Variants in ZNF385D observed in about 807,000 individuals in gnomAD.
The protein encoded by ZNF385D is zinc finger protein 659.
ZNF385D carries 15 observed loss-of-function variants against 35.8 expected under a neutral mutation model. The observed-to-expected ratio is 0.42, with a 90% CI of 0.28 to 0.64. ZNF385D has a LOEUF of 0.64. Among genes scored for constraint, ZNF385D ranks in the 30% least tolerant of loss-of-function variants. The pLI is 0.23. For missense variants in ZNF385D, 474 were observed against 494.6 expected (o/e 0.96, Z 0.39); for synonymous variants, 212 against 186.8 (o/e 1.13, Z -1.10).
At chr3:21,920,289 G>T (rs166316) in intron 3 of ZNF385D, among the ~76,000 whole-genome samples, 8,829 of 152,124 alleles carry the variant, frequency 0.058, 383 homozygotes, top group African/African-American at 0.11. Context: ...CCTGACAGAC[G>T]CAGTGCTTCA....
rs374018357 is a variant in ZNF385D, at chr3:22,277,624, C to G, written c.106+94826G>C. On this transcript the variant is annotated intron_variant, in intron 2 of 5. Coordinates refer to the ZNF385D transcript ENST00000494108. ...TAGTAAAGAAAGCAGGATTCTCAGT[C>G]TCATGAAACTCATAATATTATGGAA... Among the ~76,000 whole-genome samples, 3 of 151,206 alleles carry G rather than the reference C, an allele frequency of 2.0e-5. No homozygotes were observed. The East Asian group carries it at 5.8e-4, about 29-fold the overall frequency.
chr3:22,016,201 T>C (rs1696873957), intron 3 of ZNF385D, among the ~76,000 whole-genome samples: 1 of 151,192 alleles, frequency 6.6e-6, no homozygotes, highest in African/African-American at 2.5e-5. Context: ...CATTTCACAA[T>C]GTCTGGAGAT....
intron 3 of ZNF385D, among the ~76,000 whole-genome samples, chr3:21,818,087 G>C (rs890212662): frequency 2.0e-5 from 3 of 151,028 alleles, no homozygotes; most frequent in Admixed American, 6.6e-5. Flanking sequence ...GACAGAAAAC[G>C]AAACACCGCA....
chr3:22,082,942 G>C (rs1238418678), intron 3 of ZNF385D, among the ~76,000 whole-genome samples: 1 of 152,170 alleles, frequency 6.6e-6, no homozygotes, highest in African/African-American at 2.4e-5. Context: ...ACAGGGTCTG[G>C]GGTGGACCTC....
chr3:22,215,585 C>A (rs1156289895), intron 2 of ZNF385D, among the ~76,000 whole-genome samples: 1 of 152,004 alleles, frequency 6.6e-6, no homozygotes, highest in Non-Finnish European at 1.5e-5. Context: ...TGCTCTCAAA[C>A]CCTGTCTCCT....
intron 5 of ZNF385D, among the ~76,000 whole-genome samples, chr3:21,432,365 T>C (rs1283029247): frequency 6.6e-6 from 1 of 152,162 alleles, no homozygotes; most frequent in African/African-American, 2.4e-5. Flanking sequence ...GATAACTATC[T>C]TTTCTGCATA....
At chr3:22,209,909 G>A (rs552768918) in intron 2 of ZNF385D, among the ~76,000 whole-genome samples, 2 of 151,770 alleles carry the variant, frequency 1.3e-5, no homozygotes, top group African/African-American at 4.8e-5. Flanking sequence ...CTGGAAGACC[G>A]ATTGTTTACC....
intron 2 of ZNF385D, among the ~76,000 whole-genome samples, chr3:22,242,126 G>A (rs530411257): frequency 2.0e-5 from 3 of 150,774 alleles, no homozygotes; most frequent in Non-Finnish European, 4.4e-5. Flanking sequence ...CCTAATGCTA[G>A]ATGACGAGTT....
At chr3:21,739,933 T>G (rs1575568413) in intron 1 of ZNF385D, among the ~76,000 whole-genome samples, 1 of 152,344 alleles carries the variant, frequency 6.6e-6, no homozygotes, top group East Asian at 1.9e-4. Context: ...TTATTATTCC[T>G]GCTTCACAGA....
chr3:21,903,148 T>A (rs1381335429), intron 3 of ZNF385D, among the ~76,000 whole-genome samples: 1 of 152,190 alleles, frequency 6.6e-6, no homozygotes, highest in Non-Finnish European at 1.5e-5. Context: ...GAAGATCAAC[T>A]AAATCTCCCG....
At chr3:21,722,864 C>G (rs6783774) in intron 1 of ZNF385D, among the ~76,000 whole-genome samples, 2,938 of 152,316 alleles carry the variant, frequency 0.019, 87 homozygotes, top group African/African-American at 0.066. Flanking sequence ...TTTCTGTCTT[C>G]TCCTCCATTT....
intron 3 of ZNF385D, among the ~76,000 whole-genome samples, chr3:22,026,454 C>G (rs1277786271): frequency 6.6e-6 from 1 of 152,158 alleles, no homozygotes; most frequent in Non-Finnish European, 1.5e-5. Context: ...GACGCTGGCT[C>G]TGAGCTGTTG....
intron 2 of ZNF385D, among the ~76,000 whole-genome samples, chr3:22,284,357 CTTTT>C (rs957242592): frequency 1.3e-5 from 2 of 151,498 alleles, no homozygotes; most frequent in African/African-American, 4.8e-5. Flanking sequence ...CCCGGCTATT[CTTTT>C]TTTTATTTTT....
At chr3:21,902,779 A>T (rs933285211) in intron 3 of ZNF385D, among the ~76,000 whole-genome samples, 1 of 152,208 alleles carries the variant, frequency 6.6e-6, no homozygotes, top group Non-Finnish European at 1.5e-5. Flanking sequence ...AGCATGTCAC[A>T]TGTATACATA....
intron 3 of ZNF385D, among the ~76,000 whole-genome samples, chr3:22,069,810 T>C (rs2170092): frequency 0.14 from 21,925 of 152,044 alleles, 2,633 homozygotes; most frequent in African/African-American, 0.34. Context: ...TCCCATGAAA[T>C]AGTCAGACCC....
At chr3:22,063,502 T>C (rs527974270) in intron 3 of ZNF385D, among the ~76,000 whole-genome samples, 1 of 152,276 alleles carries the variant, frequency 6.6e-6, no homozygotes, top group South Asian at 2.1e-4. Context: ...GTAAAATGAG[T>C]ATAACACTTG....
intron 3 of ZNF385D, among the ~76,000 whole-genome samples, chr3:21,549,529 A>C (rs1266372341): frequency 6.6e-6 from 1 of 152,202 alleles, no homozygotes; most frequent in Non-Finnish European, 1.5e-5. Context: ...TAAGCCCTTC[A>C]AAAAAGAGCT....
chr3:22,297,611 C>T (rs1702661000), intron 2 of ZNF385D, among the ~76,000 whole-genome samples: 1 of 152,044 alleles, frequency 6.6e-6, no homozygotes, highest in Admixed American at 6.6e-5. Flanking sequence ...AAATAGTTGT[C>T]TAGAGGAGTG....
Position 21,727,714 on chromosome 3 carries a change from T to C in ZNF385D, c.22+23181A>G, listed in dbSNP as rs138885385. Among the ~76,000 whole-genome samples, 577 of 152,290 alleles carry C rather than the reference T, an allele frequency of 3.8e-3. 1 individual carries two copies. Among genetic ancestry groups the C allele is most frequent in the South Asian group, 6.0e-3 (29 of 4,826 alleles). On this transcript the variant is annotated intron_variant, in intron 1 of 7. Transcript: ENST00000281523. The stretch of plus-strand genomic sequence containing the variant: ...GAAATAGGAACACTTACACTGTTGG[T>C]GGGAGTATAAATTAGTTCAACCACT...
Sources: allele counts gnomAD v4.1 joint callset (sites outside exome capture counted in the v4.1 genomes callset), GRCh38; gene constraint gnomAD v4.1.1; transcripts MANE v1.5; gene names NCBI Gene and HGNC (gene_info 2026-07-23, HGNC 2026-07-21).